Variants in KLHL1 observed in about 807,000 individuals in gnomAD.
The protein encoded by KLHL1 is kelch-like protein 1.
In KLHL1, 47 loss-of-function variants were observed where a neutral mutation model predicts 77.7. The observed-to-expected ratio is 0.60, with a 90% CI of 0.48 to 0.77. The LOEUF is 0.77. Ranked by LOEUF, KLHL1 falls within the 30% of genes least tolerant of loss-of-function variation. The pLI is 0.00. For synonymous variants in KLHL1, 360 were observed against 325.2 expected (o/e 1.11, Z -1.15); for missense variants, 925 against 910.8 (o/e 1.02, Z -0.20).
rs374351954 is a variant in KLHL1, at chr13:69,796,900, T to C, written c.1477A>G (p.Asn493Asp). ...ACACCAAACTGCAGCCTTCTGCCAT[T>C]CATCATCCCTGCCTGGATCCACAGA... Reference protein sequence around the residue: ...TNLWIQAGMMNGRRLQFGVAV... With the variant: ...TNLWIQAGMMDGRRLQFGVAV... The change falls in exon 7 of 11, where the codon AAT (asparagine) becomes GAT (aspartate). Residue 493 changes from asparagine (N) to aspartate (D), a missense_variant. By Grantham distance (23) the Asn-to-Asp change is conservative. Coordinates refer to ENST00000377844, the MANE Select transcript of KLHL1 (RefSeq NM_020866.3). 1.2e-6 allele frequency: 2 copies of C among 1,614,152 alleles called. No homozygotes were observed. The highest frequency in any genetic ancestry group is 1.7e-6 in the Non-Finnish European group (2 of 1,180,022).
chr13:69,997,988 T>A (rs890070935), intron 1 of KLHL1, among the ~76,000 whole-genome samples: 1 of 151,910 alleles, frequency 6.6e-6, no homozygotes, highest in African/African-American at 2.4e-5. Flanking sequence ...GATCACTGAA[T>A]TACATGATAG....
intron 1 of KLHL1, among the ~76,000 whole-genome samples, chr13:70,018,278 T>A (rs1018561957): frequency 1.6e-4 from 24 of 152,190 alleles, no homozygotes; most frequent in Non-Finnish European, 2.9e-4. Context: ...ATTAGAAAGT[T>A]GATAAATGGA....
At chr13:70,096,766 T>C (rs149088257) in intron 1 of KLHL1, among the ~76,000 whole-genome samples, 6 of 152,106 alleles carry the variant, frequency 3.9e-5, no homozygotes, top group East Asian at 1.9e-4. Context: ...TATTCTGTGA[T>C]TGTTTCCAGA....
intron 6 of KLHL1, among the ~76,000 whole-genome samples, chr13:69,821,935 C>G (rs1306173111): frequency 6.6e-6 from 1 of 152,120 alleles, no homozygotes; most frequent in Non-Finnish European, 1.5e-5. Flanking sequence ...CCCAGTGGCT[C>G]ATGCCTGTAA....
chr13:69,964,642 T>A (rs560629188), intron 2 of KLHL1, among the ~76,000 whole-genome samples: 3 of 152,282 alleles, frequency 2.0e-5, no homozygotes, highest in Admixed American at 2.0e-4. Flanking sequence ...CTGAGAATGC[T>A]ACATAGACTG....
intron 1 of KLHL1, among the ~76,000 whole-genome samples, chr13:70,103,858 A>G (rs1339025882): frequency 6.6e-6 from 1 of 152,152 alleles, no homozygotes; most frequent in African/African-American, 2.4e-5. Context: ...TCTATCAAAG[A>G]GGTCAAGAAG....
intron 4 of KLHL1, among the ~76,000 whole-genome samples, chr13:69,911,561 T>C (rs1359608937): frequency 1.7e-5 from 1 of 60,348 alleles, no homozygotes; most frequent in Non-Finnish European, 3.2e-5. Flanking sequence ...TATAGGAATA[T>C]CATCAAGAAA....
chr13:69,721,540 T>C (rs1873064482), intron 8 of KLHL1, among the ~76,000 whole-genome samples: 1 of 152,060 alleles, frequency 6.6e-6, no homozygotes, highest in African/African-American at 2.4e-5. Flanking sequence ...ATAATATATT[T>C]ATAAGTAGAC....
chr13:69,727,835 A>G (rs1689675450), intron 8 of KLHL1, among the ~76,000 whole-genome samples: 1 of 152,084 alleles, frequency 6.6e-6, no homozygotes, highest in African/African-American at 2.4e-5. Context: ...AATTGAAATG[A>G]AAACACATCA....
rs150222167 is a variant in KLHL1, at chr13:69,792,000, C to T, written c.1639+4738G>A. Among the ~76,000 whole-genome samples the T allele has an allele frequency of 8.6e-4, 131 of 152,166 alleles. 1 individual carries two copies. The highest frequency in any genetic ancestry group is 2.9e-3 in the African/African-American group (121 of 41,510). On this transcript the variant is annotated intron_variant, in intron 7 of 10. Coordinates refer to ENST00000377844, the MANE Select transcript of KLHL1 (RefSeq NM_020866.3). The stretch of plus-strand genomic sequence containing the variant: ...AATTGCAGAGCGTCAGGAGAAATAG[C>T]GAATGCATGCTGGGCTTAATACCTA...
chr13:69,833,201 T>C (rs1267193623), intron 6 of KLHL1, among the ~76,000 whole-genome samples: 3 of 152,022 alleles, frequency 2.0e-5, no homozygotes, highest in African/African-American at 4.8e-5. Context: ...CTTCACAAAC[T>C]ATGCATCTGA....
chr13:70,103,928 A>G (rs1887985858), intron 1 of KLHL1, among the ~76,000 whole-genome samples: 1 of 152,164 alleles, frequency 6.6e-6, no homozygotes. Context: ...AGAGATGCAA[A>G]TCTGTAAAGA....
chr13:69,858,820 A>G (rs1880023909), intron 5 of KLHL1, among the ~76,000 whole-genome samples: 1 of 152,118 alleles, frequency 6.6e-6, no homozygotes, highest in South Asian at 2.1e-4. Flanking sequence ...AAGCATGGAA[A>G]AGAGTAAGGC....
chr13:69,993,374 C>G (rs1006734012), intron 1 of KLHL1, among the ~76,000 whole-genome samples: 1 of 152,020 alleles, frequency 6.6e-6, no homozygotes, highest in African/African-American at 2.4e-5. Context: ...GGAGCTTCAT[C>G]CCCTGTACAG....
intron 4 of KLHL1, among the ~76,000 whole-genome samples, chr13:69,935,737 A>G (rs1244908143): frequency 6.6e-6 from 1 of 152,176 alleles, no homozygotes; most frequent in African/African-American, 2.4e-5. Flanking sequence ...CTAGAACTGT[A>G]TGAACAGGGA....
chr13:69,999,809 G>A (rs993731075), intron 1 of KLHL1, among the ~76,000 whole-genome samples: 3 of 152,036 alleles, frequency 2.0e-5, no homozygotes, highest in Non-Finnish European at 4.4e-5. Context: ...GGAATGGATG[G>A]TTGTCTAAAA....
At chr13:69,866,241 A>G (rs1039314003) in intron 5 of KLHL1, among the ~76,000 whole-genome samples, 3 of 152,144 alleles carry the variant, frequency 2.0e-5, no homozygotes, top group African/African-American at 7.2e-5. Context: ...TAACACATTC[A>G]TTATTATTTA....
rs114172481 is a variant in KLHL1 at position 69,808,472 on chromosome 13, T to C, written c.1415-11510A>G. 6.0e-3 allele frequency among the ~76,000 whole-genome samples: 916 copies of C among 152,182 alleles called. 8 individuals are homozygous for C. Among genetic ancestry groups the C allele is most frequent in the African/African-American group, 0.02 (832 of 41,508 alleles). On this transcript the variant is annotated intron_variant, in intron 6 of 10. Transcript: ENST00000377844. ...GAACCCCTACAGAGGCCTGGCACTC[T>C]GAAAGCACCCAGAAATGAAGTCAAT...
chr13:69,983,871 A>G (rs1026251749), intron 1 of KLHL1, among the ~76,000 whole-genome samples: 1 of 150,746 alleles, frequency 6.6e-6, no homozygotes. Flanking sequence ...CAGACTAGAG[A>G]ACCAATAAAT....
Sources: allele counts gnomAD v4.1 joint callset (sites outside exome capture counted in the v4.1 genomes callset), GRCh38; gene constraint gnomAD v4.1.1; transcripts MANE v1.5; gene names NCBI Gene and HGNC (gene_info 2026-07-23, HGNC 2026-07-21).